Variants in WWOX observed in about 807,000 individuals in gnomAD.
WWOX encodes the protein WW domain containing oxidoreductase.
WWOX carries 69 observed loss-of-function variants against 46.2 expected under a neutral mutation model. That is an observed-to-expected ratio of 1.49 (90% confidence interval 1.23 to 1.82). The LOEUF is 1.82. WWOX is among the 40% of genes most tolerant of loss of function. The pLI is 0.00. For missense variants in WWOX, 919 were observed against 542.6 expected (o/e 1.69, Z -6.89); for synonymous variants, 359 against 202.6 (o/e 1.77, Z -6.56).
chr16:78,915,717 G>T (rs1424074572), intron 8 of WWOX, among the ~76,000 whole-genome samples: 1 of 151,918 alleles, frequency 6.6e-6, no homozygotes, highest in Non-Finnish European at 1.5e-5. Flanking sequence ...AATTGCACCA[G>T]TTCTCATCCC....
intron 8 of WWOX, among the ~76,000 whole-genome samples, chr16:78,766,045 C>T (rs1203148532): frequency 6.6e-6 from 1 of 152,182 alleles, no homozygotes; most frequent in East Asian, 1.9e-4. Flanking sequence ...AGCCCAGGCA[C>T]ACAGATGACA....
intron 5 of WWOX, among the ~76,000 whole-genome samples, chr16:78,319,776 C>A (rs2080428163): frequency 6.6e-6 from 1 of 152,116 alleles, no homozygotes; most frequent in African/African-American, 2.4e-5. Context: ...TCTGTGCTAC[C>A]CCTTGAAGTC....
intron 8 of WWOX, among the ~76,000 whole-genome samples, chr16:78,806,034 C>G (rs370782028): frequency 4.6e-5 from 7 of 152,092 alleles, no homozygotes; most frequent in African/African-American, 1.4e-4. Context: ...TAATCCAAAG[C>G]CACTTGAGGC....
chr16:79,194,514 G>C (rs895914755), intron 8 of WWOX, among the ~76,000 whole-genome samples: 3 of 152,148 alleles, frequency 2.0e-5, no homozygotes, highest in African/African-American at 7.2e-5. Context: ...GACACAAGTG[G>C]TTTAACAAGT....
At chr16:78,526,862 C>T (rs1233261731) in intron 8 of WWOX, among the ~76,000 whole-genome samples, 2 of 152,150 alleles carry the variant, frequency 1.3e-5, no homozygotes, top group African/African-American at 4.8e-5. Flanking sequence ...CCTGGTCTGG[C>T]CTGGCCCAGT....
At chr16:78,730,651 G>A (rs1252749906) in intron 8 of WWOX, among the ~76,000 whole-genome samples, 1 of 143,744 alleles carries the variant, frequency 7.0e-6, no homozygotes, top group Non-Finnish European at 1.5e-5. Context: ...GTAGAGACAG[G>A]GTCTTGCTGT....
rs554652739 is a variant in WWOX, at chr16:79,173,428, C to T, written c.1057-38180C>T. 4.6e-5 allele frequency among the ~76,000 whole-genome samples: 7 copies of T among 152,286 alleles called. No homozygotes were observed. The South Asian group carries it at 8.3e-4, about 18-fold the overall frequency. ...CTTTCACACACCCACGTGCATGACC[C>T]AAGTGAGCAAACAGGCAGAGACTGG... On this transcript the variant is annotated intron_variant, in intron 8 of 8. Coordinates refer to ENST00000566780, the MANE Select transcript of WWOX (RefSeq NM_016373.4).
At chr16:78,475,119 C>G (rs1429858094) in intron 8 of WWOX, among the ~76,000 whole-genome samples, 1 of 152,150 alleles carries the variant, frequency 6.6e-6, no homozygotes, top group African/African-American at 2.4e-5. Flanking sequence ...GGTTCTTAAA[C>G]TCTCCCTCAA....
chr16:79,012,975 T>A (rs1339808192), intron 8 of WWOX, among the ~76,000 whole-genome samples: 1 of 152,142 alleles, frequency 6.6e-6, no homozygotes, highest in Non-Finnish European at 1.5e-5. Context: ...GTGGATCGCC[T>A]GAGGTCAGGA....
intron 8 of WWOX, among the ~76,000 whole-genome samples, chr16:79,096,423 T>A (rs1382616224): frequency 6.6e-6 from 1 of 152,070 alleles, no homozygotes; most frequent in Non-Finnish European, 1.5e-5. Flanking sequence ...CTCACTGGGT[T>A]CCAGCTGTGC....
chr16:78,743,844 C>T (rs1490998656), intron 8 of WWOX, among the ~76,000 whole-genome samples: 1 of 152,120 alleles, frequency 6.6e-6, no homozygotes, highest in Non-Finnish European at 1.5e-5. Flanking sequence ...GAGGTGTACA[C>T]CAAGTGGCCA....
At chr16:79,187,438 T>G (rs1045792926) in intron 8 of WWOX, among the ~76,000 whole-genome samples, 1 of 152,214 alleles carries the variant, frequency 6.6e-6, no homozygotes, top group African/African-American at 2.4e-5. Flanking sequence ...TATCGCTCTG[T>G]CACCCAGGCT....
intron 5 of WWOX, among the ~76,000 whole-genome samples, chr16:78,343,498 A>G (rs150853067): frequency 5.0e-5 from 6 of 120,816 alleles, no homozygotes; most frequent in African/African-American, 1.7e-4. Context: ...CTCATCATGT[A>G]AGGTGATGCT....
chr16:78,991,179 A>G (rs1048536241), intron 8 of WWOX, among the ~76,000 whole-genome samples: 2 of 152,184 alleles, frequency 1.3e-5, no homozygotes, highest in Non-Finnish European at 2.9e-5. Context: ...GTCAAAGAAG[A>G]AATTTGGAGA....
intron 8 of WWOX, among the ~76,000 whole-genome samples, chr16:78,741,087 T>C (rs6564585): frequency 0.21 from 32,692 of 152,058 alleles, 4,904 homozygotes; most frequent in African/African-American, 0.42. Context: ...AATAAATTTT[T>C]ACTGAAACAC....
intron 5 of WWOX, among the ~76,000 whole-genome samples, chr16:78,331,312 G>A (rs1567505955): frequency 6.6e-6 from 1 of 152,152 alleles, no homozygotes; most frequent in African/African-American, 2.4e-5. Context: ...AAGGATGAAG[G>A]TAATATTGGC....
intron 8 of WWOX, among the ~76,000 whole-genome samples, chr16:78,935,942 A>T (rs1169249227): frequency 1.3e-5 from 2 of 152,104 alleles, no homozygotes; most frequent in African/African-American, 4.8e-5. Context: ...AAGCAGCAGC[A>T]GCAGCAGCTA....
rs2081092849 is a variant in WWOX, at chr16:78,346,274, A to G, written c.517-40586A>G. On this transcript the variant is annotated intron_variant, in intron 5 of 8. Coordinates refer to ENST00000566780, the MANE Select transcript of WWOX (RefSeq NM_016373.4). Reference sequence around the variant, plus strand: ...AATCACATTGTTTTAAAAATACCTAATTACCTGCTGATAGACATTTGGGTT... The same window carrying G: ...AATCACATTGTTTTAAAAATACCTAGTTACCTGCTGATAGACATTTGGGTT... 2.5e-5 allele frequency among the ~76,000 whole-genome samples: 3 copies of G among 121,200 alleles called. 1 individual carries two copies. The highest frequency in any genetic ancestry group is 5.6e-5 in the African/African-American group (2 of 35,818). 79.5% of individuals were successfully genotyped at this position (121,200 alleles called of 152,430 possible).
At chr16:78,475,452 A>G (rs2084329244) in intron 8 of WWOX, among the ~76,000 whole-genome samples, 1 of 152,184 alleles carries the variant, frequency 6.6e-6, no homozygotes, top group East Asian at 1.9e-4. Flanking sequence ...TTTGCAGAAG[A>G]GAATAAGGTG....
Sources: gnomAD v4.1 joint callset for allele counts (sites outside exome capture counted in the v4.1 genomes callset) on GRCh38, gnomAD v4.1.1 for gene constraint, MANE v1.5 for transcripts, NCBI Gene and HGNC (gene_info 2026-07-23, HGNC 2026-07-21) for gene names.